ELMO1: variants seen among roughly 807,000 people sequenced by gnomAD.
ELMO1 encodes the protein engulfment and cell motility protein 1.
ELMO1 carries 26 observed loss-of-function variants against 98.9 expected under a neutral mutation model. The observed-to-expected ratio is 0.26, with a 90% CI of 0.19 to 0.36. The LOEUF (loss-of-function observed/expected upper bound fraction) is 0.36. Ranked by LOEUF, ELMO1 falls within the 10% of genes least tolerant of loss-of-function variation. The pLI is 1.00. For missense variants in ELMO1, 627 were observed against 935.2 expected, an observed-to-expected ratio of 0.67 and a Z score of 4.30; for synonymous variants, 346 against 346.0, an observed-to-expected ratio of 1.00 and a Z score of 0.00.
intron 15 of ELMO1, among the ~76,000 whole-genome samples, chr7:37,072,267 G>C (rs1466306318): frequency 1.3e-5 from 2 of 152,152 alleles, no homozygotes; most frequent in African/African-American, 4.8e-5. Context: ...CGTGTTGTAG[G>C]AGGAGCCTGG....
chr7:37,424,864 T>C (rs920497127), intron 1 of ELMO1, among the ~76,000 whole-genome samples: 1 of 151,082 alleles, frequency 6.6e-6, no homozygotes, highest in Non-Finnish European at 1.5e-5. Flanking sequence ...AATTATTATA[T>C]ATTTTTAATA....
chr7:36,965,062 C>T (rs141822261), intron 16 of ELMO1, among the ~76,000 whole-genome samples: 13 of 152,252 alleles, frequency 8.5e-5, no homozygotes, highest in Non-Finnish European at 1.9e-4. Flanking sequence ...CAGGAGCTTT[C>T]CTGGCCTGAA....
At chr7:37,122,748 T>C (rs1786161846) in intron 14 of ELMO1, among the ~76,000 whole-genome samples, 1 of 152,040 alleles carries the variant, frequency 6.6e-6, no homozygotes, top group African/African-American at 2.4e-5. Flanking sequence ...TTAATAAGGA[T>C]ATCCAGGAAT....
chr7:37,077,381 C>T (rs963687041), intron 15 of ELMO1, among the ~76,000 whole-genome samples: 1 of 152,094 alleles, frequency 6.6e-6, no homozygotes, highest in Non-Finnish European at 1.5e-5. Flanking sequence ...TGGGCCATGG[C>T]CCAGGGTGAA....
At chr7:37,159,438 T>C (rs979695867) in intron 13 of ELMO1, among the ~76,000 whole-genome samples, 11 of 152,196 alleles carry the variant, frequency 7.2e-5, no homozygotes, top group Non-Finnish European at 8.8e-5. Context: ...CGGTGGCTCA[T>C]GCCTGTAATT....
intron 15 of ELMO1, among the ~76,000 whole-genome samples, chr7:37,078,210 T>C (rs193294414): frequency 6.6e-6 from 1 of 152,288 alleles, no homozygotes; most frequent in African/African-American, 2.4e-5. Context: ...AATGCAGTCA[T>C]AAAATGTTAA....
chr7:37,402,922 C>T (rs907573453), intron 1 of ELMO1, among the ~76,000 whole-genome samples: 1 of 152,184 alleles, frequency 6.6e-6, no homozygotes, highest in Non-Finnish European at 1.5e-5. Context: ...TCTTGTCATA[C>T]AATCTGGCAA....
intron 13 of ELMO1, among the ~76,000 whole-genome samples, chr7:37,161,831 T>C (rs1789221093): frequency 6.9e-6 from 1 of 144,714 alleles, no homozygotes; most frequent in Non-Finnish European, 1.5e-5. Flanking sequence ...AAACTTCTAC[T>C]CCCTGTGTTT....
intron 16 of ELMO1, among the ~76,000 whole-genome samples, chr7:36,982,444 A>G (rs758314130): frequency 2.6e-5 from 4 of 152,226 alleles, no homozygotes; most frequent in Non-Finnish European, 4.4e-5. Flanking sequence ...CAGGTGAACT[A>G]CTAGAAAAAT....
At chr7:37,115,545 A>G (rs78381975) in intron 14 of ELMO1, among the ~76,000 whole-genome samples, 3,488 of 151,656 alleles carry the variant, frequency 0.023, 140 homozygotes, top group African/African-American at 0.081. Context: ...AAAATCTAAC[A>G]CTCATTCATG....
At chr7:37,051,975 T>G (rs1390650111) in intron 15 of ELMO1, among the ~76,000 whole-genome samples, 1 of 152,224 alleles carries the variant, frequency 6.6e-6, no homozygotes, top group Non-Finnish European at 1.5e-5. Flanking sequence ...CAGAGGTCAT[T>G]AAACAGCAGA....
At chr7:36,896,125 C>T (rs976466757) in intron 16 of ELMO1, among the ~76,000 whole-genome samples, 5 of 152,112 alleles carry the variant, frequency 3.3e-5, no homozygotes, top group African/African-American at 1.2e-4. Context: ...CACAGATGCA[C>T]CCTGCTATAT....
At chr7:37,401,608 T>C (rs1562667571) in intron 1 of ELMO1, among the ~76,000 whole-genome samples, 1 of 152,152 alleles carries the variant, frequency 6.6e-6, no homozygotes, top group African/African-American at 2.4e-5. Context: ...AAACACATCC[T>C]TCTTCACAAG....
chr7:37,093,609 G>A (rs906202299), intron 15 of ELMO1, among the ~76,000 whole-genome samples: 5 of 152,186 alleles, frequency 3.3e-5, no homozygotes, highest in Admixed American at 3.3e-4. Flanking sequence ...CAACATAAGG[G>A]TGTATTCAGA....
chr7:37,145,045 G>A (rs559971567), intron 13 of ELMO1, among the ~76,000 whole-genome samples: 1 of 152,200 alleles, frequency 6.6e-6, no homozygotes, highest in South Asian at 2.1e-4. Flanking sequence ...CCCTGGTGGA[G>A]AGTAGCAGTG....
chr7:36,926,064 C>G (rs765056731), intron 16 of ELMO1, among the ~76,000 whole-genome samples: 78 of 152,160 alleles, frequency 5.1e-4, no homozygotes, highest in Non-Finnish European at 9.1e-4. Context: ...TTCTTCCATC[C>G]CCAGAACCCA....
chr7:37,123,458 A>T (rs1563017280), intron 14 of ELMO1, among the ~76,000 whole-genome samples: 2 of 152,262 alleles, frequency 1.3e-5, no homozygotes, highest in Non-Finnish European at 2.9e-5. Flanking sequence ...AGGGGGTATC[A>T]CCACCAATCC....
intron 16 of ELMO1, chr7:36,986,353 T>C (rs117172868): frequency 0.048 from 34,492 of 722,008 alleles, 861 homozygotes; most frequent in Middle Eastern, 0.088. Context: ...GTTTCTATTT[T>C]AGTGTCCTAT....
chr7:37,169,591 C>A (rs184434049), intron 13 of ELMO1, among the ~76,000 whole-genome samples: 1 of 152,178 alleles, frequency 6.6e-6, no homozygotes, highest in Non-Finnish European at 1.5e-5. Context: ...AGCATTCTAA[C>A]GAAGGGGATA....
Sources: gnomAD v4.1 joint callset for allele counts (sites outside exome capture counted in the v4.1 genomes callset) on GRCh38, gnomAD v4.1.1 for gene constraint, MANE v1.5 for transcripts, NCBI Gene and HGNC (gene_info 2026-07-23, HGNC 2026-07-21) for gene names.